WDPCP: variants seen among roughly 807,000 people sequenced by gnomAD.
WDPCP encodes WD repeat-containing and planar cell polarity effector protein fritz homolog.
Under a neutral mutation model 93.1 loss-of-function variants are expected in WDPCP, and 71 were observed. The observed-to-expected ratio is 0.76, with a 90% CI of 0.63 to 0.93. The LOEUF is 0.93. Among genes scored for constraint, WDPCP ranks in the 40% least tolerant of loss-of-function variants. WDPCP has a pLI of 0.00. For synonymous variants in WDPCP, 315 were observed against 315.0 expected, an observed-to-expected ratio of 1.00 and a Z score of 0.00; for missense variants, 844 against 887.4, an observed-to-expected ratio of 0.95 and a Z score of 0.62.
intron 1 of WDPCP, among the ~76,000 whole-genome samples, chr2:63,511,990 A>T (rs569762240): frequency 6.6e-6 from 1 of 152,352 alleles, no homozygotes; most frequent in Non-Finnish European, 1.5e-5. Context: ...AATTTTTGCA[A>T]TCTATCCATC....
At chr2:63,435,537 C>T (rs758092452) in intron 8 of WDPCP, among the ~76,000 whole-genome samples, 2 of 152,058 alleles carry the variant, frequency 1.3e-5, no homozygotes, top group Non-Finnish European at 2.9e-5. Flanking sequence ...AAGTGTGTTA[C>T]CTATGAATTT....
chr2:63,275,658 C>T (rs1369863895), intron 13 of WDPCP, among the ~76,000 whole-genome samples: 3 of 151,786 alleles, frequency 2.0e-5, no homozygotes, highest in Non-Finnish European at 4.4e-5. Flanking sequence ...CAAAAAAATA[C>T]ACAAGAAATG....
At chr2:63,551,810 A>C (rs1705670897) in intron 1 of WDPCP, among the ~76,000 whole-genome samples, 1 of 151,978 alleles carries the variant, frequency 6.6e-6, no homozygotes, top group South Asian at 2.1e-4. Flanking sequence ...GTTACATAAA[A>C]GGCACCCATT....
chr2:63,629,978 G>A (rs1283456189), intron 3 of WDPCP, among the ~76,000 whole-genome samples: 1 of 152,186 alleles, frequency 6.6e-6, no homozygotes, highest in Non-Finnish European at 1.5e-5. Context: ...TGAGATGACA[G>A]AAACGTTATG....
chr2:63,614,560 C>G (rs1029698450), intron 3 of WDPCP, among the ~76,000 whole-genome samples: 3 of 152,162 alleles, frequency 2.0e-5, no homozygotes, highest in Non-Finnish European at 2.9e-5. Context: ...GAAGCAAAGT[C>G]TCTCTCTGAC....
chr2:63,405,532 A>AGTGTGTGTGTGTGTGTGT (rs55807956), intron 9 of WDPCP, among the ~76,000 whole-genome samples: 41 of 125,008 alleles, frequency 3.3e-4, no homozygotes, highest in African/African-American at 1.3e-3. Flanking sequence ...ATTTTGGTAT[A>AGTGTGTGTGTGTGTGTGT]GTGTGTGTGT....
intron 15 of WDPCP, among the ~76,000 whole-genome samples, chr2:63,158,480 G>C (rs909509693): frequency 2.0e-5 from 3 of 151,836 alleles, no homozygotes; most frequent in African/African-American, 7.3e-5. Context: ...CTTCTTTGCT[G>C]GTGTCCCAAG....
intron 3 of WDPCP, chr2:63,595,115 A>T: frequency 2.5e-6 from 1 of 399,558 alleles, no homozygotes; most frequent in South Asian, 2.2e-5. Flanking sequence ...GAAATCAAAT[A>T]TACAGCTATT....
chr2:63,825,018 T>C (rs1318465372), intron 1 of WDPCP, among the ~76,000 whole-genome samples: 2 of 152,158 alleles, frequency 1.3e-5, no homozygotes, highest in Non-Finnish European at 1.5e-5. Flanking sequence ...AAAAAGCTCA[T>C]ATAAATCCTT....
At chr2:63,676,672 G>C (rs1314213780) in intron 2 of WDPCP, among the ~76,000 whole-genome samples, 5 of 152,162 alleles carry the variant, frequency 3.3e-5, no homozygotes, top group Non-Finnish European at 7.4e-5. Flanking sequence ...GGTTAGAAAA[G>C]AAAGAGGATG....
intron 8 of WDPCP, among the ~76,000 whole-genome samples, chr2:63,436,781 T>TA (rs976758463): frequency 1.7e-4 from 26 of 152,184 alleles, no homozygotes; most frequent in Admixed American, 1.4e-3. Context: ...TCCCAGCAGT[T>TA]AAAATGTAAT....
At chr2:63,751,174 A>G (rs1456338506) in intron 2 of WDPCP, among the ~76,000 whole-genome samples, 3 of 152,164 alleles carry the variant, frequency 2.0e-5, no homozygotes, top group African/African-American at 7.2e-5. Context: ...TTTAACCTGT[A>G]TTGACTTTGG....
At chr2:63,269,458 C>T (rs1682442612) in intron 13 of WDPCP, among the ~76,000 whole-genome samples, 1 of 152,108 alleles carries the variant, frequency 6.6e-6, no homozygotes, top group South Asian at 2.1e-4. Context: ...AAATAAAAAA[C>T]TTGCTGTTCC....
intron 14 of WDPCP, among the ~76,000 whole-genome samples, chr2:63,217,911 A>G (rs1037565199): frequency 1.4e-4 from 21 of 152,294 alleles, no homozygotes; most frequent in South Asian, 4.1e-4. Context: ...GAATCCCACA[A>G]TTGAACTCCT....
intron 2 of WDPCP, among the ~76,000 whole-genome samples, chr2:63,689,802 A>G (rs1173239520): frequency 2.0e-5 from 3 of 152,186 alleles, no homozygotes; most frequent in East Asian, 3.8e-4. Context: ...GCTGCTCAGT[A>G]TCATATGAAA....
chr2:63,793,198 T>A (rs1409565644), intron 2 of WDPCP, among the ~76,000 whole-genome samples: 2 of 152,090 alleles, frequency 1.3e-5, no homozygotes, highest in East Asian at 3.9e-4. Flanking sequence ...TATAGCACAC[T>A]ATTGCCACAA....
At chr2:63,273,417 G>A (rs1309517449) in intron 13 of WDPCP, among the ~76,000 whole-genome samples, 1 of 148,924 alleles carries the variant, frequency 6.7e-6, no homozygotes, top group African/African-American at 2.5e-5. Context: ...AAAGAATAAA[G>A]AATATACAAA....
intron 13 of WDPCP, among the ~76,000 whole-genome samples, chr2:63,307,519 G>A (rs774286688): frequency 8.5e-5 from 13 of 152,142 alleles, no homozygotes; most frequent in East Asian, 1.9e-4. Flanking sequence ...ACAAAACAGC[G>A]TGGTACTGGT....
chr2:63,152,678 T>C (rs982319746), intron 17 of WDPCP, among the ~76,000 whole-genome samples: 2 of 152,214 alleles, frequency 1.3e-5, no homozygotes, highest in African/African-American at 4.8e-5. Context: ...TACTCTGTTA[T>C]GCACAATTTT....
Sources: gnomAD v4.1 joint callset for allele counts (sites outside exome capture counted in the v4.1 genomes callset) on GRCh38, gnomAD v4.1.1 for gene constraint, MANE v1.5 for transcripts, NCBI Gene and HGNC (gene_info 2026-07-23, HGNC 2026-07-21) for gene names.